SPSB1: variants seen among roughly 807,000 people sequenced by gnomAD.
SPSB1 encodes the protein SPRY domain-containing SOCS box protein 1.
SPSB1 carries 8 observed loss-of-function variants against 21.2 expected under a neutral mutation model. That is an observed-to-expected ratio of 0.38 (90% CI 0.22 to 0.68). SPSB1 has a LOEUF of 0.68. Among genes scored for constraint, SPSB1 ranks in the 30% least tolerant of loss-of-function variants. The probability of loss-of-function intolerance (pLI) is 0.53; values close to 1 mark genes in which losing one functional copy is unlikely to be tolerated. For missense variants in SPSB1, 242 were observed against 377.8 expected (o/e 0.64, Z 2.98); for synonymous variants, 169 against 161.7 (o/e 1.05, Z -0.34).
rs1044379010 is a variant in SPSB1, at chr1:9,317,537, C to T, written c.-150+24466C>T. Reference sequence around the variant, plus strand: ...CTTGCTTTGTCACCCAGGCTGGGGACAAAGCTCACTGCGGCTTCTGCCTCC... The same window carrying T: ...CTTGCTTTGTCACCCAGGCTGGGGATAAAGCTCACTGCGGCTTCTGCCTCC... On this transcript the variant is annotated intron_variant, in intron 1 of 2. Transcript: ENST00000328089. The surrounding 1 kb of genome is among the most constrained non-coding windows in gnomAD (Gnocchi z 4.3). 6.6e-6 allele frequency among the ~76,000 whole-genome samples: 1 copy of T among 152,144 alleles called. No homozygotes were observed. Among genetic ancestry groups the T allele is most frequent in the African/African-American group, 2.4e-5 (1 of 41,434 alleles).
At chr1:9,343,053 T>C (rs1392260038) in intron 1 of SPSB1, among the ~76,000 whole-genome samples, 2 of 152,218 alleles carry the variant, frequency 1.3e-5, no homozygotes, top group Non-Finnish European at 2.9e-5. Flanking sequence ...GGTAGACATC[T>C]TTCATCCATT....
At chr1:9,312,624 G>A (rs1639541942) in intron 1 of SPSB1, among the ~76,000 whole-genome samples, 1 of 152,164 alleles carries the variant, frequency 6.6e-6, no homozygotes, top group South Asian at 2.1e-4. Context: ...AACACAGTCA[G>A]GTGCCAGCAC....
At chr1:9,322,362 C>T (rs912289501) in intron 1 of SPSB1, among the ~76,000 whole-genome samples, 8 of 152,134 alleles carry the variant, frequency 5.3e-5, no homozygotes, top group African/African-American at 1.7e-4. Flanking sequence ...GGGATTAGAA[C>T]GCAGGGTTGT....
intron 1 of SPSB1, among the ~76,000 whole-genome samples, chr1:9,294,120 G>A (rs545727663): frequency 6.6e-6 from 1 of 152,036 alleles, no homozygotes; most frequent in East Asian, 1.9e-4. Context: ...GTCTGTGTGT[G>A]AGTGTGTATG....
rs60016245 is a variant in SPSB1, at chr1:9,294,028, CTGTGTG to C, written c.-150+971_-150+976del. On this transcript the variant is annotated intron_variant, in intron 1 of 2. Transcript: ENST00000328089. ...AATGTGTGCCTGAGACTCTAAGTGA[CTGTGTG>C]TGTGTGTGTGTGTCTGAGTGCGTCT... Among the ~76,000 whole-genome samples, 474 of 150,248 alleles carry C rather than the reference CTGTGTG, an allele frequency of 3.2e-3. 3 individuals are homozygous for C. The highest frequency in any genetic ancestry group is 0.011 in the African/African-American group (461 of 40,892).
In SPSB1 at chr1:9,363,481, A is replaced by T. The variant is rs1049945428; in HGVS notation, c.695-3967A>T. ...ACAGGGGATGGATTGTGGCAGCTGG[A>T]GGGCCTCATCCCTTTGGAGTCCATG... On this transcript the variant is annotated intron_variant, in intron 2 of 2. Coordinates refer to ENST00000328089, the MANE Select transcript of SPSB1 (RefSeq NM_025106.4). The surrounding 1 kb of genome is among the most constrained non-coding windows in gnomAD (Gnocchi z 4.5). 1.3e-5 allele frequency among the ~76,000 whole-genome samples: 2 copies of T among 152,072 alleles called. No individual in the cohort carries two copies.
chr1:9,328,352 G>C (rs1225305774), intron 1 of SPSB1, among the ~76,000 whole-genome samples: 3 of 152,228 alleles, frequency 2.0e-5, no homozygotes, highest in South Asian at 2.1e-4. Flanking sequence ...GGAACTGCTA[G>C]AGTTCAGCAG....
intron 1 of SPSB1, among the ~76,000 whole-genome samples, chr1:9,309,229 G>GT (rs74312763): frequency 6.9e-3 from 2 of 290 alleles, no homozygotes; most frequent in African/African-American, 0.024. Flanking sequence ...AGATAAGCTA[G>GT]ATCCCCCCTC....
At chr1:9,330,476 C>CAATAAT (rs56325526) in intron 1 of SPSB1, among the ~76,000 whole-genome samples, 243 of 150,474 alleles carry the variant, frequency 1.6e-3, no homozygotes, top group Non-Finnish European at 1.6e-3. Flanking sequence ...AAAATAATAA[C>CAATAAT]AATAATAATA....
At chr1:9,365,993 C>T (rs371952034) in intron 2 of SPSB1, among the ~76,000 whole-genome samples, 3 of 152,260 alleles carry the variant, frequency 2.0e-5, no homozygotes, top group Non-Finnish European at 4.4e-5. Context: ...AGCCTTCCAA[C>T]GCTCAGAAGC....
At chr1:9,342,890 A>G (rs1438837418) in intron 1 of SPSB1, among the ~76,000 whole-genome samples, 2 of 152,252 alleles carry the variant, frequency 1.3e-5, no homozygotes, top group African/African-American at 4.8e-5. Flanking sequence ...ACATCTGAGC[A>G]TCAATGGTGT....
In SPSB1 at chr1:9,321,521, C is replaced by T. The variant is rs1639722082; in HGVS notation, c.-150+28450C>T. Among the ~76,000 whole-genome samples, 2 of 152,192 alleles carry T rather than the reference C, an allele frequency of 1.3e-5. No individual in the cohort carries two copies. Among genetic ancestry groups the T allele is most frequent in the South Asian group, 4.2e-4 (2 of 4,816 alleles). ...CCTTTACCGAACACTTACTGCGTGC[C>T]AAGGATTCAGCTCAGAACGGGGAAG... On this transcript the variant is annotated intron_variant, in intron 1 of 2. Transcript: ENST00000328089. This position sits in a 1 kb window ranked among gnomAD's most constrained non-coding sequence, Gnocchi z 4.8.
At chr1:9,338,816 C>T (rs145587082) in intron 1 of SPSB1, among the ~76,000 whole-genome samples, 363 of 152,314 alleles carry the variant, frequency 2.4e-3, no homozygotes, top group African/African-American at 8.2e-3. Flanking sequence ...CCTGGGGGCG[C>T]TCCCGCCTTG....
intron 1 of SPSB1, among the ~76,000 whole-genome samples, chr1:9,353,200 C>T (rs949873761): frequency 6.6e-6 from 1 of 151,644 alleles, no homozygotes; most frequent in African/African-American, 2.4e-5. Flanking sequence ...CCCGCCCGGC[C>T]CCTCGAGAGC....
intron 1 of SPSB1, among the ~76,000 whole-genome samples, chr1:9,306,748 T>C (rs1008495833): frequency 1.3e-5 from 2 of 151,880 alleles, no homozygotes; most frequent in African/African-American, 4.8e-5. Flanking sequence ...TCACTGTGGC[T>C]GGGTAAATAG....
intron 2 of SPSB1, among the ~76,000 whole-genome samples, chr1:9,362,599 C>T (rs958882972): frequency 2.0e-5 from 3 of 152,198 alleles, no homozygotes; most frequent in African/African-American, 7.2e-5. Flanking sequence ...TTTTCCTTGA[C>T]CTCACCGTTC....
At chr1:9,326,792 G>A (rs1639822939) in intron 1 of SPSB1, among the ~76,000 whole-genome samples, 1 of 152,220 alleles carries the variant, frequency 6.6e-6, no homozygotes, top group Non-Finnish European at 1.5e-5. Context: ...CCTCATTCCT[G>A]CAGTTTAGTC....
In SPSB1 at chr1:9,319,434, T is replaced by C. The variant is rs911567655; in HGVS notation, c.-150+26363T>C. Among the ~76,000 whole-genome samples the C allele has an allele frequency of 2.6e-5, 4 of 152,050 alleles. No individual in the cohort carries two copies. The East Asian group carries it at 5.8e-4, about 22-fold the overall frequency. On this transcript the variant is annotated intron_variant, in intron 1 of 2. Coordinates refer to ENST00000328089, the MANE Select transcript of SPSB1 (RefSeq NM_025106.4). Reference sequence around the variant, plus strand: ...CTCCTTCCTCCCTCCTCTTCCTCCTTCTCCTCCCTCTAGGATCTCAAAGTA... The same window carrying C: ...CTCCTTCCTCCCTCCTCTTCCTCCTCCTCCTCCCTCTAGGATCTCAAAGTA...
At chr1:9,364,596 A>C (rs1640527757) in intron 2 of SPSB1, among the ~76,000 whole-genome samples, 1 of 152,090 alleles carries the variant, frequency 6.6e-6, no homozygotes, top group African/African-American at 2.4e-5. Flanking sequence ...GGGATCCTTG[A>C]CCTTAAAGAA....
Sources: allele counts gnomAD v4.1 joint callset (sites outside exome capture counted in the v4.1 genomes callset), GRCh38; gene constraint gnomAD v4.1.1; non-coding constraint Gnocchi (gnomAD v3.1); transcripts MANE v1.5; gene names NCBI Gene and HGNC (gene_info 2026-07-23, HGNC 2026-07-21).